The following ZNF766 variants were observed in gnomAD, a reference collection of about 807,000 sequenced individuals.
ZNF766 encodes zinc finger protein 766.
A neutral mutation model predicts 13.2 loss-of-function variants in ZNF766; 13 were observed. The ratio of observed to expected loss-of-function variants is 0.98; its 90% CI spans 0.64 to 1.56. The LOEUF (loss-of-function observed/expected upper bound fraction) is 1.56. ZNF766 is among the 40% of genes most tolerant of loss of function. The pLI, the probability that ZNF766 is intolerant of heterozygous loss-of-function variation, is 0.00. For missense variants in ZNF766, 521 were observed against 552.2 expected (o/e 0.94, Z 0.57); for synonymous variants, 178 against 187.6 (o/e 0.95, Z 0.42).
intron 1 of ZNF766, chr19:52,281,477 CCACTG>C (rs1981517643): frequency 3.6e-6 from 1 of 275,412 alleles, no homozygotes; most frequent in African/African-American, 2.4e-5. Context: ...CGAGATTGCG[CCACTG>C]CACTCCAGCC....
At chr19:52,271,428 A>G (rs1333192574) in intron 1 of ZNF766, among the ~76,000 whole-genome samples, 1 of 152,120 alleles carries the variant, frequency 6.6e-6, no homozygotes, top group Non-Finnish European at 1.5e-5. Context: ...AGTAAAGGGA[A>G]GAGATCTCCA....
chr19:52,269,590 C>A lies in ZNF766; in HGVS notation c.-24C>A. On this transcript the variant is annotated 5_prime_UTR_variant, in exon 1 of 4. Coordinates refer to ENST00000439461, the MANE Select transcript of ZNF766 (RefSeq NM_001010851.3). ...CCGTTCGCGCGCAGCCGCCTGCAGA[C>A]CCGGAAGTGGATGGCGTGGAGATAT... is the stretch of plus-strand genomic sequence containing the variant. The A allele has an allele frequency of 6.2e-7, 1 of 1,611,748 alleles. No individual in the cohort carries two copies.
Position 52,293,656 on chromosome 19 carries a change from G to C in ZNF766, c.*2458G>C, listed in dbSNP as rs1026125141. 5.2e-5 allele frequency: 8 copies of C among 152,504 alleles called. No homozygotes were observed. Among genetic ancestry groups the C allele is most frequent in the African/African-American group, 1.9e-4 (8 of 41,252 alleles). The allele number at this position is 152,504 out of a possible 1,614,324, so 9.4% of individuals were successfully genotyped here. A position where few individuals can be genotyped will look rare whatever the true frequency, so the allele number is the denominator to read the frequency against. On this transcript the variant is annotated 3_prime_UTR_variant, in exon 4 of 4. Transcript: ENST00000439461. ...TTGTTTTGTTTTGAGATGGAGTTTC[G>C]CTCTTGTTTCCCAGGCTGGAGTGCA...
At chr19:52,289,664 T>G (rs34027972) in intron 3 of ZNF766, among the ~76,000 whole-genome samples, 12,956 of 152,168 alleles carry the variant, frequency 0.085, 1,220 homozygotes, top group African/African-American at 0.23. Flanking sequence ...TCTTCCAGTG[T>G]CTGAATCAGA....
At chr19:52,277,777 G>C (rs796353313) in intron 1 of ZNF766, among the ~76,000 whole-genome samples, 51 of 152,130 alleles carry the variant, frequency 3.4e-4, no homozygotes, top group African/African-American at 1.1e-3. Flanking sequence ...CTCACACCCA[G>C]ACGTGGGTGG....
At chr19:52,277,963 C>A (rs949505122) in intron 1 of ZNF766, among the ~76,000 whole-genome samples, 11 of 144,666 alleles carry the variant, frequency 7.6e-5, no homozygotes, top group Admixed American at 1.4e-4. Flanking sequence ...TTCAGGAAAT[C>A]TTTTCTGCCT....
chr19:52,289,894 G>A (rs1271394337), intron 3 of ZNF766, among the ~76,000 whole-genome samples, 172 bp from the exon 4 acceptor site: 2 of 152,180 alleles, frequency 1.3e-5, no homozygotes, highest in African/African-American at 4.8e-5. Flanking sequence ...CCAGCTACTT[G>A]GGAGGCTGAG....
At chr19:52,275,032 G>A (rs1356888688) in intron 1 of ZNF766, among the ~76,000 whole-genome samples, 1 of 152,184 alleles carries the variant, frequency 6.6e-6, no homozygotes, top group African/African-American at 2.4e-5. Flanking sequence ...CATTTAGGAA[G>A]ACAAAAGAAA....
Position 52,283,978 on chromosome 19 carries a change from C to T in ZNF766, c.274+565C>T, listed in dbSNP as rs538245888. ...GTCTCAATCTCTTGACCTCGTGATCCGCCCGCCTTGGCCTCCGAAAGTGCT... is the reference window on the plus strand; with the variant it reads ...GTCTCAATCTCTTGACCTCGTGATCTGCCCGCCTTGGCCTCCGAAAGTGCT... On this transcript the variant is annotated intron_variant, in intron 3 of 3. Coordinates refer to ENST00000439461, the MANE Select transcript of ZNF766 (RefSeq NM_001010851.3). Among the ~76,000 whole-genome samples the T allele has an allele frequency of 1.9e-3, 287 of 152,302 alleles. 1 individual carries two copies. Among genetic ancestry groups the T allele is most frequent in the African/African-American group, 6.5e-3 (272 of 41,572 alleles).
At chr19:52,277,594 CCGG>C in intron 1 of ZNF766, 1 of 1,522,544 alleles carries the variant, frequency 6.6e-7, no homozygotes, top group South Asian at 1.2e-5. Context: ...TCCTGAAATG[CCGG>C]GTGCTGGAGT....
At chr19:52,276,422 T>C (rs1981204011) in intron 1 of ZNF766, among the ~76,000 whole-genome samples, 1 of 152,222 alleles carries the variant, frequency 6.6e-6, no homozygotes, top group African/African-American at 2.4e-5. Context: ...AGTCTGTAAT[T>C]GGTTGAATCC....
rs1982193839 is a variant in ZNF766, at chr19:52,292,465, A to G, written c.*1267A>G. On this transcript the variant is annotated 3_prime_UTR_variant, in exon 4 of 4. Coordinates refer to ENST00000439461, the MANE Select transcript of ZNF766 (RefSeq NM_001010851.3). Reference sequence around the variant, plus strand: ...GAAGAGAGTTCATCAGGGACTGATTACGTAGGAGAGACGATGCAGGGGAAA... The same window carrying G: ...GAAGAGAGTTCATCAGGGACTGATTGCGTAGGAGAGACGATGCAGGGGAAA... 2.7e-6 allele frequency: 1 copy of G among 372,632 alleles called. No homozygotes were observed. The highest frequency in any genetic ancestry group is 4.5e-5 in the Admixed American group (1 of 22,388). 23.1% of individuals were successfully genotyped at this position (372,632 alleles called of 1,614,324 possible).
chr19:52,273,017 A>T (rs947606626), intron 1 of ZNF766, among the ~76,000 whole-genome samples: 2 of 151,236 alleles, frequency 1.3e-5, no homozygotes, highest in Non-Finnish European at 3.0e-5. Context: ...ACATTAATAT[A>T]TTTTTTTTTC....
At chr19:52,271,239 A>C (rs1980959255) in intron 1 of ZNF766, among the ~76,000 whole-genome samples, 1 of 152,032 alleles carries the variant, frequency 6.6e-6, no homozygotes, top group African/African-American at 2.4e-5. Context: ...GGAAACCGTT[A>C]ATTTTATCCA....
intron 1 of ZNF766, among the ~76,000 whole-genome samples, chr19:52,275,372 GTTA>G (rs1981143911): frequency 6.6e-6 from 1 of 152,326 alleles, no homozygotes; most frequent in East Asian, 1.9e-4. Flanking sequence ...GTTTTAAGCT[GTTA>G]TTGCAAAAGA....
intron 1 of ZNF766, among the ~76,000 whole-genome samples, chr19:52,276,083 T>G (rs1016385211): frequency 6.6e-6 from 1 of 152,260 alleles, no homozygotes; most frequent in Non-Finnish European, 1.5e-5. Context: ...TACAGGTTTT[T>G]AGCAGTAGGC....
chr19:52,285,716 G>A (rs778893542), intron 3 of ZNF766, among the ~76,000 whole-genome samples: 3 of 152,188 alleles, frequency 2.0e-5, no homozygotes, highest in Non-Finnish European at 4.4e-5. Flanking sequence ...CCTTCCCCCA[G>A]GGTATACAGC....
In ZNF766 at chr19:52,275,844, C is replaced by T. The variant is rs566396545; in HGVS notation, c.18+6213C>T. 1.6e-4 allele frequency among the ~76,000 whole-genome samples: 25 copies of T among 152,148 alleles called. No homozygotes were observed. The South Asian group carries it at 5.2e-3, about 32-fold the overall frequency. ...TACAGGCACCCACTTTCATGCCTAG[C>T]TAATTTTTGTGTTTTTAGTAGAGAC... On this transcript the variant is annotated intron_variant, in intron 1 of 3. Coordinates refer to ENST00000439461, the MANE Select transcript of ZNF766 (RefSeq NM_001010851.3).
At chr19:52,270,155 C>T (rs144350913) in intron 1 of ZNF766, among the ~76,000 whole-genome samples, 2 of 152,240 alleles carry the variant, frequency 1.3e-5, no homozygotes, top group East Asian at 3.9e-4. Flanking sequence ...GGACCTATCT[C>T]AGGGCACCCA....
Sources: gnomAD v4.1 joint callset for allele counts (sites outside exome capture counted in the v4.1 genomes callset) on GRCh38, gnomAD v4.1.1 for gene constraint, MANE v1.5 for transcripts, NCBI Gene and HGNC (gene_info 2026-07-23, HGNC 2026-07-21) for gene names.